Variants in TAB1 observed in about 807,000 individuals in gnomAD.
The protein encoded by TAB1 is TGF-beta activated kinase 1 (MAP3K7) binding protein 1.
Under a neutral mutation model 54.5 loss-of-function variants are expected in TAB1, and 30 were observed. The ratio of observed to expected loss-of-function variants is 0.55; its 90% CI spans 0.41 to 0.75. The LOEUF (loss-of-function observed/expected upper bound fraction) is 0.75, where lower values mean the gene tolerates loss of function less well. TAB1 is among the 30% of genes least tolerant of loss of function. The pLI is 0.00. For missense variants in TAB1, 609 were observed against 683.2 expected (o/e 0.89, Z 1.21); for synonymous variants, 289 against 286.9 (o/e 1.01, Z -0.07).
At chr22:39,418,501 G>A (rs1926933954) in intron 5 of TAB1, among the ~76,000 whole-genome samples, 1 of 152,124 alleles carries the variant, frequency 6.6e-6, no homozygotes, top group Admixed American at 6.6e-5. Context: ...TAGAGAAGAG[G>A]TCTGTTTTAT....
intron 1 of TAB1, among the ~76,000 whole-genome samples, chr22:39,407,489 GTT>G (rs201603990): frequency 7.1e-6 from 1 of 141,818 alleles, no homozygotes. Context: ...TTGTTGTTTT[GTT>G]TTTTTTTTTT....
chr22:39,409,874 C>CT (rs1926536313), intron 1 of TAB1, among the ~76,000 whole-genome samples: 1 of 152,190 alleles, frequency 6.6e-6, no homozygotes, highest in Non-Finnish European at 1.5e-5. Context: ...AGGAGCCTCT[C>CT]TGTTTTCTCT....
Position 39,416,784 on chromosome 22 carries a change from C to G in TAB1, c.325-7C>G, listed in dbSNP as rs777144882. On this transcript the variant is annotated splice_region_variant and splice_polypyrimidine_tract_variant and intron_variant, in intron 3 of 10. Coordinates refer to ENST00000216160, the MANE Select transcript of TAB1 (RefSeq NM_006116.3). ...ACCAGCCTTTGCCCTGTCCTGTGTC[C>G]CCCTAGGCCTTCGATGTGGTGGAGA... The G allele has an allele frequency of 1.9e-6, 3 of 1,613,924 alleles. No individual in the cohort carries two copies. Among genetic ancestry groups the G allele is most frequent in the African/African-American group, 2.7e-5 (2 of 74,924 alleles).
chr22:39,425,674 G>A (rs1927295062), intron 8 of TAB1, among the ~76,000 whole-genome samples: 2 of 151,422 alleles, frequency 1.3e-5, no homozygotes, highest in Admixed American at 6.6e-5. Context: ...AGCCTCCCGA[G>A]TAGCTGGGAC....
downstream of TAB1, among the ~76,000 whole-genome samples, chr22:39,436,170 G>A (rs1310389880): frequency 1.3e-5 from 2 of 152,158 alleles, no homozygotes; most frequent in African/African-American, 2.4e-5. Context: ...GTGCATGCCT[G>A]TAGTCCCAGC....
chr22:39,433,502 T>C, downstream of TAB1: 1 of 984,450 alleles, frequency 1.0e-6, no homozygotes, highest in Non-Finnish European at 1.2e-6. Context: ...GCTAGGTTGC[T>C]GGCTTGACGG....
chr22:39,426,991 G>GC, intron 9 of TAB1, 66 bp downstream of exon 9: 1 of 1,508,318 alleles, frequency 6.6e-7, no homozygotes, highest in Non-Finnish European at 9.0e-7. Context: ...TGGGTGCAGA[G>GC]CCCCCGAGGC....
chr22:39,409,719 T>G (rs938625662), intron 1 of TAB1, among the ~76,000 whole-genome samples: 1 of 152,164 alleles, frequency 6.6e-6, no homozygotes, highest in Admixed American at 6.5e-5. Flanking sequence ...TCTGACCACT[T>G]CATCTAGAGG....
At chr22:39,418,937 G>A in intron 6 of TAB1, 92 bp downstream of exon 6, 3 of 1,045,326 alleles carry the variant, frequency 2.9e-6, no homozygotes, top group Non-Finnish European at 4.4e-6. Context: ...GTGGTAGAGG[G>A]GCTGTGATCT....
rs770156749 is a variant in TAB1, at chr22:39,399,811, G to A, written c.9G>A (p.Ala3=). 1.1e-5 allele frequency: 17 copies of A among 1,596,568 alleles called. No individual in the cohort carries two copies. Among genetic ancestry groups the A allele is most frequent in the Middle Eastern group, 3.3e-4 (2 of 5,998 alleles). MA[A]QRRSLLQSEQ... The stretch of plus-strand genomic sequence containing the variant: ...GCAGGGGTTCCTCCAAGATGGCGGC[G>A]CAGAGGAGGAGCTTGCTGCAGAGTG... Residue 3 remains alanine (A), a synonymous_variant, in exon 1 of 11, where the codon GCG becomes GCA. Transcript: ENST00000216160.
chr22:39,399,815 A>T lies in TAB1; in HGVS notation c.13A>T (p.Arg5Trp). 1.3e-6 allele frequency: 2 copies of T among 1,597,486 alleles called. No homozygotes were observed. Among genetic ancestry groups the T allele is most frequent in the African/African-American group, 1.3e-5 (1 of 74,874 alleles). The change falls in exon 1 of 11, where the codon AGG becomes TGG. Residue 5 changes from arginine (R) to tryptophan (W), a missense_variant. Arg to Trp is a moderately radical substitution (Grantham distance 101). Transcript: ENST00000216160. MAAQ[R>W]RSLLQSEQQP... The stretch of plus-strand genomic sequence containing the variant: ...GGGTTCCTCCAAGATGGCGGCGCAG[A>T]GGAGGAGCTTGCTGCAGAGTGTGAG...
chr22:39,416,817 C>A lies in TAB1; in HGVS notation c.351C>A (p.Phe117Leu). ...LQAFDVVERS[F>L]LESIDDALAE... is the part of the protein sequence containing the mutation. Reference sequence around the variant, plus strand: ...CCTTCGATGTGGTGGAGAGGAGCTTCCTGGAGTCCATTGACGACGCCTTGG... The same window carrying A: ...CCTTCGATGTGGTGGAGAGGAGCTTACTGGAGTCCATTGACGACGCCTTGG... Residue 117 changes from phenylalanine to leucine, a missense_variant, in exon 4 of 11, where the codon TTC (phenylalanine) becomes TTA (leucine). Coordinates refer to ENST00000216160, the MANE Select transcript of TAB1 (RefSeq NM_006116.3). 1 of 1,614,236 alleles carries A rather than the reference C, an allele frequency of 6.2e-7. No individual in the cohort carries two copies. Among genetic ancestry groups the A allele is most frequent in the Non-Finnish European group, 8.5e-7 (1 of 1,180,042 alleles).
chr22:39,432,824 GTTAC>G (rs1927639858), downstream of TAB1: 6 of 985,362 alleles, frequency 6.1e-6, no homozygotes, highest in Non-Finnish European at 7.2e-6. Context: ...CAGCCTTGGT[GTTAC>G]TTACTGCACT....
chr22:39,436,466 A>C (rs546087514), downstream of TAB1: 1 of 1,596,918 alleles, frequency 6.3e-7, no homozygotes, highest in African/African-American at 1.3e-5. Flanking sequence ...TTCATGTGTC[A>C]TGAAGTTTCC....
chr22:39,433,650 T>C (rs1927671852), downstream of TAB1: 4 of 985,224 alleles, frequency 4.1e-6, 1 homozygote, highest in South Asian at 9.4e-5. Context: ...AGCTGGGAGC[T>C]GGCAGCAGAG....
chr22:39,408,675 G>A (rs778752192), intron 1 of TAB1, among the ~76,000 whole-genome samples: 2 of 152,090 alleles, frequency 1.3e-5, no homozygotes, highest in Non-Finnish European at 2.9e-5. Flanking sequence ...GTTAATTTTT[G>A]TATTTTTAGT....
intron 8 of TAB1, among the ~76,000 whole-genome samples, chr22:39,424,837 G>C (rs1251499646): frequency 6.6e-6 from 1 of 152,140 alleles, no homozygotes; most frequent in African/African-American, 2.4e-5. Flanking sequence ...TTTCCAGGTA[G>C]AGTAGGGAAT....
Position 39,428,006 on chromosome 22 carries a change from C to G in TAB1, c.1145-15C>G, listed in dbSNP as rs934492049. 1.9e-6 allele frequency: 3 copies of G among 1,569,366 alleles called. No individual in the cohort carries two copies. The highest frequency in any genetic ancestry group is 2.7e-5 in the African/African-American group (2 of 74,318). The stretch of plus-strand genomic sequence containing the variant: ...TCAGCTGCTGCCTGAGGCCCCCACT[C>G]TCTTCCTCCCAAAGCTGCAGGAGGA... On this transcript the variant is annotated splice_polypyrimidine_tract_variant and intron_variant, in intron 9 of 10. Coordinates refer to ENST00000216160, the MANE Select transcript of TAB1 (RefSeq NM_006116.3).
chr22:39,432,805 C>T (rs1927638894), downstream of TAB1: 1 of 985,644 alleles, frequency 1.0e-6, no homozygotes. Context: ...ACTTTATGTC[C>T]CCTGTCCCCA....
Sources: gnomAD v4.1 joint callset for allele counts (sites outside exome capture counted in the v4.1 genomes callset) on GRCh38, gnomAD v4.1.1 for gene constraint, MANE v1.5 for transcripts, NCBI Gene and HGNC (gene_info 2026-07-23, HGNC 2026-07-21) for gene names.